Variants in NOTCH2NLC observed in about 807,000 individuals in gnomAD.
The protein encoded by NOTCH2NLC is notch 2 N-terminal like C, also known as notch homolog 2 N-terminal-like protein C.
NOTCH2NLC carries 4 observed loss-of-function variants against 17.7 expected under a neutral mutation model. That is an observed-to-expected ratio of 0.23 (90% CI 0.11 to 0.52). The LOEUF (loss-of-function observed/expected upper bound fraction) is 0.52. NOTCH2NLC is among the 20% of genes least tolerant of loss of function. The probability of loss-of-function intolerance (pLI) is 0.96; values close to 1 mark genes in which losing one functional copy is unlikely to be tolerated. For synonymous variants in NOTCH2NLC, 18 were observed against 86.0 expected (o/e 0.21, Z 4.38); for missense variants, 57 against 207.2 (o/e 0.28, Z 4.45).
chr1:149,392,561 C>G (rs1400251253), intron 1 of NOTCH2NLC, among the ~76,000 whole-genome samples: 1 of 150,906 alleles, frequency 6.6e-6, no homozygotes, highest in African/African-American at 2.4e-5. Context: ...TTTCCTTTTT[C>G]TTTGAATGAA....
At chr1:149,427,537 C>G in intron 1 of NOTCH2NLC, among the ~76,000 whole-genome samples, 1 of 69,464 alleles carries the variant, frequency 1.4e-5, no homozygotes, top group Non-Finnish European at 2.6e-5. Flanking sequence ...CTCTCTCTGT[C>G]ACTCAGGCTG....
chr1:149,461,060 A>G (rs1446801975), intron 3 of NOTCH2NLC, among the ~76,000 whole-genome samples: 1 of 149,142 alleles, frequency 6.7e-6, no homozygotes, highest in Non-Finnish European at 1.5e-5. Flanking sequence ...TCAGCCTCCC[A>G]GGTAGCTGGG....
At chr1:149,437,246 C>CA (rs1185480281) in intron 2 of NOTCH2NLC, among the ~76,000 whole-genome samples, 3 of 133,930 alleles carry the variant, frequency 2.2e-5, no homozygotes, top group Non-Finnish European at 3.2e-5. Flanking sequence ...AAGAGAGTGC[C>CA]AAAAAACTCA....
At chr1:149,413,301 T>G (rs1470390063) in intron 1 of NOTCH2NLC, among the ~76,000 whole-genome samples, 1 of 151,110 alleles carries the variant, frequency 6.6e-6, no homozygotes, top group Non-Finnish European at 1.5e-5. Context: ...GGGAATTGAA[T>G]TTTATCTTTC....
At chr1:149,436,760 G>C (rs1361143961) in intron 2 of NOTCH2NLC, among the ~76,000 whole-genome samples, 1 of 148,864 alleles carries the variant, frequency 6.7e-6, no homozygotes, top group Non-Finnish European at 1.5e-5. Context: ...CTTCAAGTAC[G>C]GTGCCTATTT....
chr1:149,402,236 C>T (rs1408140877), intron 1 of NOTCH2NLC, among the ~76,000 whole-genome samples: 4 of 150,448 alleles, frequency 2.7e-5, no homozygotes, highest in East Asian at 2.0e-4. Context: ...TGCACCACAA[C>T]GCCTGGCTAA....
chr1:149,450,108 A>G (rs1158613985), intron 2 of NOTCH2NLC, among the ~76,000 whole-genome samples: 35 of 144,630 alleles, frequency 2.4e-4, no homozygotes, highest in Non-Finnish European at 4.0e-4. Flanking sequence ...TTATGTGGGC[A>G]TATGTTTTCA....
chr1:149,466,221 C>T lies in NOTCH2NLC; in HGVS notation c.*2068C>T, dbSNP rs2101516976. On this transcript the variant is annotated 3_prime_UTR_variant, in exon 5 of 5. Transcript: ENST00000650865. ...AAACCAAGACACTCCTAATTATAAT[C>T]AAATAGTACTTGTTACATATCAATA... 7.2e-6 allele frequency: 1 copy of T among 138,396 alleles called. No individual in the cohort carries two copies. Among genetic ancestry groups the T allele is most frequent in the East Asian group, 2.1e-4 (1 of 4,654 alleles). 8.6% of individuals were successfully genotyped at this position (138,396 alleles called of 1,614,324 possible). A position where few individuals can be genotyped will look rare whatever the true frequency, so the allele number is the denominator to read the frequency against.
rs1179469287 is a variant in NOTCH2NLC at position 149,390,802 on chromosome 1, A to AGGCGGC, written c.39_44dup (p.Gly17_Gly18dup). 43,099 of 946,084 alleles carry AGGCGGC rather than the reference A, an allele frequency of 0.046. 7,922 individuals carry two copies. Among genetic ancestry groups the AGGCGGC allele is most frequent in the East Asian group, 0.4 (8,064 of 20,214 alleles). 58.6% of individuals were successfully genotyped at this position (946,084 alleles called of 1,614,324 possible). ...ACCCCCTCCCCATGTGGATCTGCCC[A>AGGCGGC]GGCGGCGGCGGCGGCGGCGGCGGCG... On this transcript the variant is annotated inframe_insertion, in exon 1 of 5. Coordinates refer to ENST00000650865, the MANE Select transcript of NOTCH2NLC (RefSeq NM_001364013.2).
intron 1 of NOTCH2NLC, chr1:149,406,454 G>A (rs1361950734): frequency 5.4e-5 from 8 of 148,770 alleles, no homozygotes; most frequent in Non-Finnish European, 1.2e-4. Context: ...AATGTTGAAG[G>A]AGAGGATGCC....
intron 2 of NOTCH2NLC, among the ~76,000 whole-genome samples, chr1:149,449,070 A>G (rs1369366701): frequency 3.4e-5 from 5 of 148,350 alleles, no homozygotes; most frequent in African/African-American, 9.9e-5. Flanking sequence ...TTTAGTAGAG[A>G]CAGGGTTTCA....
rs2084701583 is a variant in NOTCH2NLC at position 149,468,953 on chromosome 1, C to CTT, written c.*4803_*4804dup. ...TTGGGGGCATGTGTCATTTTCTTTT[C>CTT]TTTTCTTTTTTTTTTTTTTTTTTTT... On this transcript the variant is annotated 3_prime_UTR_variant, in exon 5 of 5. Transcript: ENST00000650865. Among the ~76,000 whole-genome samples, 2 of 98,206 alleles carry CTT rather than the reference C, an allele frequency of 2.0e-5. No homozygotes were observed. The highest frequency in any genetic ancestry group is 3.8e-4 in the South Asian group (1 of 2,652). The allele number at this position is 98,206 out of a possible 152,430, so 64.4% of individuals were successfully genotyped here. A position where few individuals can be genotyped will look rare whatever the true frequency, so the allele number is the denominator to read the frequency against.
rs1413348373 is a variant in NOTCH2NLC, at chr1:149,394,531, C to CT, written c.135+3610dup. Among the ~76,000 whole-genome samples the CT allele has an allele frequency of 3.3e-5, 5 of 151,244 alleles. No homozygotes were observed. The South Asian group carries it at 1.0e-3, about 31-fold the overall frequency. ...AGATGATATAATAAATTCTCCACCT[C>CT]TCCTTTTCCCTTTTCTTCTGTTATC... On this transcript the variant is annotated intron_variant, in intron 1 of 4. Transcript: ENST00000650865.
intron 2 of NOTCH2NLC, among the ~76,000 whole-genome samples, chr1:149,447,222 TCTGA>T (rs1172089411): frequency 6.6e-6 from 1 of 150,730 alleles, no homozygotes; most frequent in African/African-American, 2.4e-5. Context: ...GTCTGTTATT[TCTGA>T]CTGTCTTACC....
rs1175539238 is a variant in NOTCH2NLC, at chr1:149,468,958, CTTTTTTTTTT to C, written c.*4820_*4829del. On this transcript the variant is annotated 3_prime_UTR_variant, in exon 5 of 5. Coordinates refer to ENST00000650865, the MANE Select transcript of NOTCH2NLC (RefSeq NM_001364013.2). ...GGCATGTGTCATTTTCTTTTCTTTT[CTTTTTTTTTT>C]TTTTTTTTTTTTTTGAGACGGAGCA... Among the ~76,000 whole-genome samples the C allele has an allele frequency of 3.7e-5, 2 of 53,454 alleles. No homozygotes were observed. Among genetic ancestry groups the C allele is most frequent in the Non-Finnish European group, 6.6e-5 (2 of 30,284 alleles). The allele number at this position is 53,454 out of a possible 152,430, so 35.1% of individuals were successfully genotyped here. A position where few individuals can be genotyped will look rare whatever the true frequency, so the allele number is the denominator to read the frequency against.
intron 1 of NOTCH2NLC, among the ~76,000 whole-genome samples, chr1:149,395,993 T>A (rs2084205243): frequency 6.6e-6 from 1 of 151,070 alleles, no homozygotes; most frequent in Non-Finnish European, 1.5e-5. Context: ...ACTACAGAAC[T>A]TGTCTGGCAT....
chr1:149,412,065 A>G (rs1291579114), intron 1 of NOTCH2NLC, among the ~76,000 whole-genome samples: 1 of 107,172 alleles, frequency 9.3e-6, no homozygotes, highest in Non-Finnish European at 1.9e-5. Flanking sequence ...GCAGTGAGCC[A>G]TGATTATGCC....
chr1:149,390,823 C>CGGCGGCGGCGGCGGT lies in NOTCH2NLC; in HGVS notation c.44_45insCGGCGGTGGCGGCGG (p.Gly14_Gly18dup). The CGGCGGCGGCGGCGGT allele has an allele frequency of 7.5e-7, 1 of 1,324,838 alleles. No individual in the cohort carries two copies. Among genetic ancestry groups the CGGCGGCGGCGGCGGT allele is most frequent in the East Asian group, 3.3e-5 (1 of 29,880 alleles). 82.1% of individuals were successfully genotyped at this position (1,324,838 alleles called of 1,614,324 possible). A position where few individuals can be genotyped will look rare whatever the true frequency, so the allele number is the denominator to read the frequency against. On this transcript the variant is annotated inframe_insertion, in exon 1 of 5. Coordinates refer to ENST00000650865, the MANE Select transcript of NOTCH2NLC (RefSeq NM_001364013.2). ...GCCCAGGCGGCGGCGGCGGCGGCGG[C>CGGCGGCGGCGGCGGT]GGCGGCGGAGGAGGCGGCGACCGAG...
chr1:149,429,511 T>G (rs2084432109), intron 1 of NOTCH2NLC, among the ~76,000 whole-genome samples: 1 of 150,574 alleles, frequency 6.6e-6, no homozygotes, highest in Non-Finnish European at 1.5e-5. Context: ...GAAGATTGAA[T>G]TAGTTAGCTA....
Sources: allele counts gnomAD v4.1 joint callset (sites outside exome capture counted in the v4.1 genomes callset), GRCh38; gene constraint gnomAD v4.1.1; transcripts MANE v1.5; gene names NCBI Gene and HGNC (gene_info 2026-07-23, HGNC 2026-07-21).